Variants in PHF14 observed in about 807,000 individuals in gnomAD.
PHF14 encodes the protein PHD finger protein 14.
Under a neutral mutation model 117.9 loss-of-function variants are expected in PHF14, and 55 were observed. The ratio of observed to expected loss-of-function variants is 0.47; its 90% confidence interval spans 0.38 to 0.58. The LOEUF (loss-of-function observed/expected upper bound fraction) is 0.58. Among genes scored for constraint, PHF14 ranks in the 20% least tolerant of loss-of-function variants. The pLI is 0.00. For missense variants in PHF14, 978 were observed against 1,122.2 expected, an observed-to-expected ratio of 0.87 and a Z score of 1.84; for synonymous variants, 409 against 368.6, an observed-to-expected ratio of 1.11 and a Z score of -1.26.
intron 13 of PHF14, among the ~76,000 whole-genome samples, chr7:11,043,453 T>C (rs1784564690): frequency 6.6e-6 from 1 of 152,138 alleles, no homozygotes; most frequent in African/African-American, 2.4e-5. Context: ...AAAGGAAAAC[T>C]TTGGAATGAA....
intron 4 of PHF14, among the ~76,000 whole-genome samples, chr7:10,996,691 C>T (rs1214874335): frequency 6.6e-6 from 1 of 152,092 alleles, no homozygotes; most frequent in Non-Finnish European, 1.5e-5. Context: ...GATAAGTTAA[C>T]TCATTTAGGC....
chr7:11,067,863 A>G (rs1785475058), intron 16 of PHF14, among the ~76,000 whole-genome samples: 1 of 152,086 alleles, frequency 6.6e-6, no homozygotes, highest in Non-Finnish European at 1.5e-5. Flanking sequence ...TCCAACTATC[A>G]AAGGAACTAA....
chr7:11,153,872 A>G (rs1788769547), intron 17 of PHF14, among the ~76,000 whole-genome samples: 1 of 152,136 alleles, frequency 6.6e-6, no homozygotes. Flanking sequence ...AGATGGCTAC[A>G]GAGTCTCGAA....
At chr7:11,138,766 T>G (rs1482723248) in intron 17 of PHF14, among the ~76,000 whole-genome samples, 4 of 152,224 alleles carry the variant, frequency 2.6e-5, no homozygotes, top group African/African-American at 4.8e-5. Flanking sequence ...GTATTTTTAA[T>G]TGTATTTTCC....
At chr7:11,068,103 C>A (rs1466673280) in intron 16 of PHF14, among the ~76,000 whole-genome samples, 1 of 152,124 alleles carries the variant, frequency 6.6e-6, no homozygotes, top group Non-Finnish European at 1.5e-5. Flanking sequence ...GTAATCCCAG[C>A]ACTTCGGAAG....
intron 16 of PHF14, among the ~76,000 whole-genome samples, chr7:11,100,236 A>G (rs112156713): frequency 0.013 from 1,957 of 152,172 alleles, 33 homozygotes; most frequent in African/African-American, 0.045. Flanking sequence ...ATTTGAAAAT[A>G]GGACTGGACA....
intron 3 of PHF14, among the ~76,000 whole-genome samples, 175 bp from the exon 4 acceptor site, chr7:10,990,528 G>T (rs1782413394): frequency 6.6e-6 from 1 of 152,116 alleles, no homozygotes; most frequent in Non-Finnish European, 1.5e-5. Context: ...TGATAAAGAG[G>T]TCAAGTATAT....
intron 16 of PHF14, chr7:11,106,849 CTA>C (rs1787282762): frequency 1.0e-6 from 1 of 983,930 alleles, no homozygotes; most frequent in Non-Finnish European, 1.2e-6. Flanking sequence ...ACATAATAGT[CTA>C]TATTTTCAGA....
Position 11,111,150 on chromosome 7 carries a change from A to T in PHF14, c.2655-200A>T, listed in dbSNP as rs373570852. 65 of 450,316 alleles carry T rather than the reference A, an allele frequency of 1.4e-4. 3 individuals carry two copies. Among genetic ancestry groups the T allele is most frequent in the East Asian group, 4.9e-4 (14 of 28,410 alleles). 27.9% of individuals were successfully genotyped at this position (450,316 alleles called of 1,614,324 possible). A position where few individuals can be genotyped will look rare whatever the true frequency, so the allele number is the denominator to read the frequency against. ...TGTTTGTTGATTTTATTGCTGTTGT[A>T]TTTTGTTTTTGCTAAAACATTTATT... is the stretch of plus-strand genomic sequence containing the variant. On this transcript the variant is annotated intron_variant, in intron 16 of 17. Transcript: ENST00000634607.
intron 16 of PHF14, 103 bp downstream of exon 16, chr7:11,062,188 T>A: frequency 1.1e-6 from 1 of 912,696 alleles, no homozygotes; most frequent in Non-Finnish European, 1.6e-6. Context: ...AGACCTTTCT[T>A]AAAATATTAT....
intron 17 of PHF14, among the ~76,000 whole-genome samples, chr7:11,118,083 C>A (rs1216729972): frequency 6.6e-6 from 1 of 151,712 alleles, no homozygotes; most frequent in Non-Finnish European, 1.5e-5. Flanking sequence ...CTTCATGGAG[C>A]TTTACTGAGT....
chr7:11,026,770 A>G (rs1783927511), intron 6 of PHF14, among the ~76,000 whole-genome samples: 1 of 151,090 alleles, frequency 6.6e-6, no homozygotes, highest in Non-Finnish European at 1.5e-5. Context: ...ATTTTTCTAA[A>G]TTAAATTTCA....
In PHF14 at chr7:11,139,900, A is replaced by C. The variant is rs1245499957; in HGVS notation, c.2772+28433A>C. Among the ~76,000 whole-genome samples the C allele has an allele frequency of 3.3e-5, 5 of 152,178 alleles. No individual in the cohort carries two copies. The East Asian group carries it at 9.6e-4, about 29-fold the overall frequency. ...ATGCATCATTGTGACCAGCAAGTCC[A>C]TATAATAATGATATTGACTTTGAGA... On this transcript the variant is annotated intron_variant, in intron 17 of 17. Transcript: ENST00000634607.
intron 17 of PHF14, among the ~76,000 whole-genome samples, chr7:11,163,680 C>T (rs1225447180): frequency 1.3e-5 from 2 of 152,166 alleles, no homozygotes; most frequent in Non-Finnish European, 2.9e-5. Flanking sequence ...ATGCAGTGTG[C>T]TCATTTTGCC....
At chr7:11,122,352 T>TATATATATATACACAC in intron 17 of PHF14, among the ~76,000 whole-genome samples, 4 of 65,874 alleles carry the variant, frequency 6.1e-5, no homozygotes, top group African/African-American at 1.5e-4. Context: ...TATATATATA[T>TATATATATATACACAC]ACACACACAC....
intron 14 of PHF14, among the ~76,000 whole-genome samples, chr7:11,056,226 C>G (rs1246206921): frequency 1.3e-5 from 2 of 152,078 alleles, no homozygotes; most frequent in African/African-American, 4.8e-5. Flanking sequence ...CTTTTTGCCT[C>G]TTGGAAATCC....
At chr7:11,082,508 T>G (rs529695607) in intron 16 of PHF14, among the ~76,000 whole-genome samples, 28 of 152,388 alleles carry the variant, frequency 1.8e-4, no homozygotes, top group African/African-American at 6.5e-4. Context: ...TATTTGCAGA[T>G]AAGCTTAATT....
rs560144241 is a variant in PHF14 at position 11,076,693 on chromosome 7, G to C, written c.2654+14608G>C. Among the ~76,000 whole-genome samples the C allele has an allele frequency of 1.0e-4, 15 of 149,894 alleles. No individual in the cohort carries two copies. In the South Asian group the frequency reaches 3.2e-3, roughly 32 times the overall value. On this transcript the variant is annotated intron_variant, in intron 16 of 17. Transcript: ENST00000634607. ...AGCAATTCTCCTGCCTCAGCCTCCTGAGTAGCTGAGATTACAGGTGCACAC... is the reference window on the plus strand; with the variant it reads ...AGCAATTCTCCTGCCTCAGCCTCCTCAGTAGCTGAGATTACAGGTGCACAC...
intron 16 of PHF14, among the ~76,000 whole-genome samples, chr7:11,077,316 A>G (rs907825432): frequency 3.3e-5 from 5 of 151,766 alleles, no homozygotes; most frequent in Non-Finnish European, 7.4e-5. Context: ...AAAAAGCCAG[A>G]TTCAGCCGGG....
Sources: allele counts gnomAD v4.1 joint callset (sites outside exome capture counted in the v4.1 genomes callset), GRCh38; gene constraint gnomAD v4.1.1; transcripts MANE v1.5; gene names NCBI Gene and HGNC (gene_info 2026-07-23, HGNC 2026-07-21).